Variants in ITGB6 observed in about 807,000 individuals in gnomAD.
ITGB6 encodes the protein integrin beta-6.
In ITGB6, 80 loss-of-function variants were observed where a neutral mutation model predicts 84.5. The observed-to-expected ratio is 0.95, with a 90% CI of 0.79 to 1.14. The LOEUF is 1.14. Ranked by LOEUF, ITGB6 falls within the 50% of genes most tolerant of loss-of-function variation. The pLI is 0.00. For synonymous variants in ITGB6, 383 were observed against 354.9 expected (o/e 1.08, Z -0.89); for missense variants, 1,006 against 968.0 (o/e 1.04, Z -0.52).
chr2:160,125,245 T>A (rs1313302676), intron 11 of ITGB6, among the ~76,000 whole-genome samples: 3 of 152,200 alleles, frequency 2.0e-5, no homozygotes, highest in African/African-American at 7.2e-5. Flanking sequence ...TAATACCTCA[T>A]TGATAAATGA....
At chr2:160,142,254 G>A (rs1684027841) in intron 7 of ITGB6, among the ~76,000 whole-genome samples, 183 bp from the exon 8 acceptor site, 2 of 152,176 alleles carry the variant, frequency 1.3e-5, no homozygotes. Flanking sequence ...CTGTGCTCAA[G>A]TGGAAAATGG....
Position 160,105,778 on chromosome 2 carries a change from G to T in ITGB6, c.2268+1901C>A, listed in dbSNP as rs56777963. Among the ~76,000 whole-genome samples the T allele has an allele frequency of 5.0e-3, 767 of 152,282 alleles. 8 individuals carry two copies. Among genetic ancestry groups the T allele is most frequent in the African/African-American group, 0.018 (734 of 41,556 alleles). On this transcript the variant is annotated intron_variant, in intron 14 of 14. Transcript: ENST00000283249. ...ATGAAAGTCAAAAATAACATCTGTG[G>T]CCAGGGGTCAGGTGAAGTGAACTGT...
At chr2:160,111,599 GTT>G (rs35948673) in intron 13 of ITGB6, among the ~76,000 whole-genome samples, 1 of 134,526 alleles carries the variant, frequency 7.4e-6, no homozygotes, top group Non-Finnish European at 1.6e-5. Flanking sequence ...CATCTTAGCT[GTT>G]TTTTTTTTTT....
intron 12 of ITGB6, among the ~76,000 whole-genome samples, chr2:160,120,290 G>T (rs1356356572): frequency 7.1e-6 from 1 of 141,076 alleles, no homozygotes; most frequent in Admixed American, 7.5e-5. Flanking sequence ...ATGATAGACT[G>T]GATTAAGAAA....
Position 160,138,067 on chromosome 2 carries a change from T to G in ITGB6, c.1240A>C (p.Thr414Pro), listed in dbSNP as rs1206326219. The change falls in exon 9 of 15, where the codon ACA becomes CCA. Residue 414 changes from threonine to proline, a missense_variant and splice_region_variant. By Grantham distance (38) the Thr-to-Pro change is conservative. Transcript: ENST00000283249. ...CTATCTACTGGCCAGCTACTTACTG[T>G]GTCTCCCACTTTCATGTGAGAGCAT... ...KKCSHMKVGD[T>P]ASFSVTVNIP... 2 of 1,611,498 alleles carry G rather than the reference T, an allele frequency of 1.2e-6. No homozygotes were observed. The highest frequency in any genetic ancestry group is 8.5e-7 in the Non-Finnish European group (1 of 1,179,138).
chr2:160,166,910 TA>T (rs963131608), intron 7 of ITGB6, among the ~76,000 whole-genome samples: 3 of 152,092 alleles, frequency 2.0e-5, no homozygotes, highest in East Asian at 1.9e-4. Flanking sequence ...CCACAGTTAC[TA>T]AAAAAAACAG....
intron 2 of ITGB6, among the ~76,000 whole-genome samples, chr2:160,197,373 C>G (rs1686385305): frequency 6.6e-6 from 1 of 152,122 alleles, no homozygotes; most frequent in African/African-American, 2.4e-5. Context: ...GAGATGTAGT[C>G]TTTCCCAGCA....
At chr2:160,110,450 T>A (rs1415812798) in intron 13 of ITGB6, among the ~76,000 whole-genome samples, 1 of 152,192 alleles carries the variant, frequency 6.6e-6, no homozygotes. Flanking sequence ...CTTTCCCCTT[T>A]TCTATCCTCA....
At chr2:160,177,163 A>G (rs1490607880) in intron 4 of ITGB6, among the ~76,000 whole-genome samples, 1 of 152,124 alleles carries the variant, frequency 6.6e-6, no homozygotes, top group Non-Finnish European at 1.5e-5. Flanking sequence ...TTTTCATTTT[A>G]TTATTACTAA....
At chr2:160,115,958 G>C (rs1475954043) in intron 12 of ITGB6, among the ~76,000 whole-genome samples, 20 of 146,088 alleles carry the variant, frequency 1.4e-4, no homozygotes, top group South Asian at 2.2e-4. Flanking sequence ...GGGAAGTTTA[G>C]AGAAAAAAGA....
rs765694694 is a variant in ITGB6, at chr2:160,137,676, G to C, written c.1418C>G (p.Ser473Cys). ...NSSKCHHGNG[S>C]FQCGVCACHP... The stretch of plus-strand genomic sequence containing the variant: ...GCAGGCACACACCCCACACTGGAAA[G>C]AGCCGTTCCCGTGGTGACATTTGGA... Residue 473 changes from serine (S) to cysteine (C), a missense_variant, in exon 10 of 15, where the codon TCT becomes TGT. By Grantham distance (112) the Ser-to-Cys change is moderately radical. Coordinates refer to ENST00000283249, the MANE Select transcript of ITGB6 (RefSeq NM_000888.5). 1 of 1,614,208 alleles carries C rather than the reference G, an allele frequency of 6.2e-7. No individual in the cohort carries two copies. The highest frequency in any genetic ancestry group is 8.5e-7 in the Non-Finnish European group (1 of 1,180,032).
Position 160,137,749 on chromosome 2 carries a change from T to G in ITGB6, c.1345A>C (p.Ser449Arg). 6.2e-7 allele frequency: 1 copy of G among 1,614,208 alleles called. No homozygotes were observed. Among genetic ancestry groups the G allele is most frequent in the Non-Finnish European group, 8.5e-7 (1 of 1,180,028 alleles). The change falls in exon 10 of 15, where the codon AGC becomes CGC. Residue 449 changes from serine to arginine, a missense_variant. Physicochemically the swap from Ser to Arg is moderately radical, Grantham distance 110. Coordinates refer to ENST00000283249, the MANE Select transcript of ITGB6 (RefSeq NM_000888.5). The stretch of plus-strand genomic sequence containing the variant: ...TGACAGTCGCAGTTGCATTCTGGGC[T>G]GACAAGTAATTCCAGGGCATCCCCC... Reference protein sequence around the residue: ...GLGDALELLVSPECNCDCQKE... With the variant: ...GLGDALELLVRPECNCDCQKE...
chr2:160,154,934 G>C (rs1684567666), intron 7 of ITGB6, among the ~76,000 whole-genome samples: 1 of 152,194 alleles, frequency 6.6e-6, no homozygotes, highest in Non-Finnish European at 1.5e-5. Context: ...CTGGTTGGAG[G>C]TGAATGGATC....
chr2:160,166,472 C>CT (rs1464110857), intron 7 of ITGB6, among the ~76,000 whole-genome samples: 1 of 152,096 alleles, frequency 6.6e-6, no homozygotes, highest in Non-Finnish European at 1.5e-5. Flanking sequence ...GATTTAATTG[C>CT]TTTTTATCTC....
chr2:160,183,189 C>G (rs1249132770), intron 4 of ITGB6, among the ~76,000 whole-genome samples: 1 of 152,134 alleles, frequency 6.6e-6, no homozygotes, highest in African/African-American at 2.4e-5. Flanking sequence ...TTAAAATACA[C>G]ATAGTGGCAA....
intron 4 of ITGB6, among the ~76,000 whole-genome samples, chr2:160,178,035 C>A (rs1044156057): frequency 1.3e-5 from 2 of 152,112 alleles, no homozygotes; most frequent in Non-Finnish European, 1.5e-5. Context: ...CCACCATGCC[C>A]AGCTAAGTTT....
intron 1 of ITGB6, 128 bp from the exon 2 acceptor site, chr2:160,199,386 C>T: frequency 1.6e-6 from 1 of 639,844 alleles, no homozygotes; most frequent in Middle Eastern, 2.5e-4. Context: ...AAAATCAGTC[C>T]TCGAAATGTT....
intron 12 of ITGB6, among the ~76,000 whole-genome samples, chr2:160,119,154 G>T (rs1682913216): frequency 6.6e-6 from 1 of 152,080 alleles, no homozygotes; most frequent in Non-Finnish European, 1.5e-5. Context: ...TCACAGAATT[G>T]GAAAAAACTA....
chr2:160,168,095 C>T (rs945530559), intron 7 of ITGB6, among the ~76,000 whole-genome samples: 3 of 152,216 alleles, frequency 2.0e-5, no homozygotes, highest in Non-Finnish European at 4.4e-5. Flanking sequence ...ATGGGCTCTG[C>T]GTAGAACACA....
Sources: gnomAD v4.1 joint callset for allele counts (sites outside exome capture counted in the v4.1 genomes callset) on GRCh38, gnomAD v4.1.1 for gene constraint, MANE v1.5 for transcripts, NCBI Gene and HGNC (gene_info 2026-07-23, HGNC 2026-07-21) for gene names.